The following KCNH1 variants were observed in gnomAD, a reference collection of about 807,000 sequenced individuals.
The protein encoded by KCNH1 is voltage-gated delayed rectifier potassium channel KCNH1.
KCNH1 carries 27 observed loss-of-function variants against 69.2 expected under a neutral mutation model. The ratio of observed to expected loss-of-function variants is 0.39; its 90% CI spans 0.29 to 0.54. The LOEUF (loss-of-function observed/expected upper bound fraction) is 0.54. Among genes scored for constraint, KCNH1 ranks in the 20% least tolerant of loss-of-function variants. The pLI is 0.68. For synonymous variants in KCNH1, 456 were observed against 487.7 expected (o/e 0.93, Z 0.86); for missense variants, 798 against 1,261.6 (o/e 0.63, Z 5.57).
intron 7 of KCNH1, among the ~76,000 whole-genome samples, chr1:210,857,873 G>A (rs1685889978): frequency 6.6e-6 from 1 of 152,026 alleles, no homozygotes; most frequent in South Asian, 2.1e-4. Flanking sequence ...TTTTTGCAGT[G>A]GTATCAATAG....
intron 7 of KCNH1, chr1:210,861,159 C>A (rs546775010): frequency 1.7e-5 from 16 of 924,096 alleles, no homozygotes; most frequent in South Asian, 1.6e-4. Context: ...CGTATATACT[C>A]GTAAGGGTCT....
chr1:210,984,223 C>A (rs61849025), intron 6 of KCNH1, among the ~76,000 whole-genome samples: 6 of 152,066 alleles, frequency 3.9e-5, no homozygotes. Context: ...CTGCAAACAG[C>A]GACAATTTGA....
At chr1:210,993,500 A>G (rs1299771305) in intron 6 of KCNH1, among the ~76,000 whole-genome samples, 2 of 152,098 alleles carry the variant, frequency 1.3e-5, no homozygotes, top group African/African-American at 2.4e-5. Flanking sequence ...GATTGTCAAT[A>G]CTCTCTTCCC....
chr1:210,852,519 A>G (rs79931557), intron 7 of KCNH1, among the ~76,000 whole-genome samples: 124 of 152,196 alleles, frequency 8.1e-4, no homozygotes, highest in Middle Eastern at 3.4e-3. Flanking sequence ...TATTTTAATG[A>G]TTCTAGTCCC....
intron 1 of KCNH1, among the ~76,000 whole-genome samples, chr1:211,122,525 A>G (rs1016663333): frequency 2.6e-5 from 4 of 152,238 alleles, no homozygotes; most frequent in African/African-American, 7.2e-5. Context: ...ACACATGCAC[A>G]TGCATGTTTA....
chr1:210,781,728 A>G (rs1683991319), intron 9 of KCNH1, among the ~76,000 whole-genome samples: 1 of 152,212 alleles, frequency 6.6e-6, no homozygotes, highest in Non-Finnish European at 1.5e-5. Flanking sequence ...TCGTACAGCC[A>G]TGACTAAGAC....
intron 7 of KCNH1, among the ~76,000 whole-genome samples, chr1:210,886,254 G>C (rs549705209): frequency 1.3e-5 from 2 of 152,244 alleles, no homozygotes; most frequent in African/African-American, 2.4e-5. Context: ...AGGCAAACAG[G>C]GTCTGGAGTG....
rs372265333 is a variant in KCNH1 at position 210,775,341 on chromosome 1, A to G, written c.2112+7T>C. 3.1e-6 allele frequency: 5 copies of G among 1,612,870 alleles called. No homozygotes were observed. The African/African-American group carries it at 6.7e-5, about 22-fold the overall frequency. ...TTTGTGGAAAATAACTGAAACTTTT[A>G]GCTCACCCTCTTCCTCAAGTTGTAC... On this transcript the variant is annotated splice_region_variant and intron_variant, in intron 10 of 10. Transcript: ENST00000271751.
chr1:211,048,621 A>C (rs1558582230), intron 5 of KCNH1, among the ~76,000 whole-genome samples: 1 of 152,260 alleles, frequency 6.6e-6, no homozygotes, highest in East Asian at 1.9e-4. Flanking sequence ...GTATGTTCTC[A>C]CTTATAAGTG....
intron 10 of KCNH1, among the ~76,000 whole-genome samples, chr1:210,755,037 G>A (rs1323701497): frequency 1.3e-5 from 2 of 152,248 alleles, no homozygotes; most frequent in East Asian, 1.9e-4. Context: ...GGAGACATTA[G>A]TAGTCGAAGC....
chr1:211,128,422 T>C (rs1691820739), intron 1 of KCNH1, among the ~76,000 whole-genome samples: 1 of 151,770 alleles, frequency 6.6e-6, no homozygotes, highest in Non-Finnish European at 1.5e-5. Flanking sequence ...AAATAAACAG[T>C]AGTATTTATT....
intron 6 of KCNH1, among the ~76,000 whole-genome samples, chr1:211,009,752 G>A (rs1571575183): frequency 6.6e-6 from 1 of 152,030 alleles, no homozygotes; most frequent in Admixed American, 6.5e-5. Context: ...GGGACTAGAG[G>A]TGCTTGCCAC....
chr1:210,800,012 G>T (rs1022998416), intron 8 of KCNH1, among the ~76,000 whole-genome samples: 1 of 152,202 alleles, frequency 6.6e-6, no homozygotes, highest in Non-Finnish European at 1.5e-5. Flanking sequence ...TGACTTGTGA[G>T]AATTAAATGA....
At chr1:210,956,869 G>T (rs1289042592) in intron 6 of KCNH1, among the ~76,000 whole-genome samples, 1 of 151,808 alleles carries the variant, frequency 6.6e-6, no homozygotes, top group African/African-American at 2.4e-5. Context: ...ATCAGCTCCT[G>T]GATTCATTGA....
At chr1:210,725,370 T>G (rs1032395090) in intron 10 of KCNH1, among the ~76,000 whole-genome samples, 1 of 152,188 alleles carries the variant, frequency 6.6e-6, no homozygotes, top group Non-Finnish European at 1.5e-5. Flanking sequence ...ACCCTCCCTA[T>G]TCTAGATACT....
rs146794414 is a variant in KCNH1, at chr1:211,101,550, A to G, written c.310+1946T>C. ...CTAGTCATCTTTGTGTGAATTAGAA[A>G]GAGAAACTCCTTCCTCAGCACAGAT... On this transcript the variant is annotated intron_variant, in intron 3 of 10. Coordinates refer to ENST00000271751, the MANE Select transcript of KCNH1 (RefSeq NM_172362.3). 3.6e-3 allele frequency among the ~76,000 whole-genome samples: 542 copies of G among 152,326 alleles called. 7 individuals are homozygous for G. The highest frequency in any genetic ancestry group is 0.012 in the African/African-American group (519 of 41,576).
chr1:211,059,195 A>G (rs981040708), intron 5 of KCNH1, among the ~76,000 whole-genome samples: 1 of 151,320 alleles, frequency 6.6e-6, no homozygotes, highest in Middle Eastern at 3.4e-3. Flanking sequence ...CAGGAGAATC[A>G]TTTGAACCTG....
chr1:210,867,062 T>C (rs1686125492), intron 7 of KCNH1, among the ~76,000 whole-genome samples: 1 of 151,948 alleles, frequency 6.6e-6, no homozygotes, highest in Admixed American at 6.6e-5. Context: ...CCAGAACAGG[T>C]AAATCTACAT....
chr1:211,057,975 G>A (rs1394648872), intron 5 of KCNH1, among the ~76,000 whole-genome samples: 1 of 151,928 alleles, frequency 6.6e-6, no homozygotes, highest in Non-Finnish European at 1.5e-5. Flanking sequence ...CAACAGAAAA[G>A]AAACAACACA....
Sources: gnomAD v4.1 joint callset for allele counts (sites outside exome capture counted in the v4.1 genomes callset) on GRCh38, gnomAD v4.1.1 for gene constraint, MANE v1.5 for transcripts, NCBI Gene and HGNC (gene_info 2026-07-23, HGNC 2026-07-21) for gene names.